Variants in RFTN1 observed in about 807,000 individuals in gnomAD.
The protein encoded by RFTN1 is raftlin.
In RFTN1, 26 loss-of-function variants were observed where a neutral mutation model predicts 46.5. The ratio of observed to expected loss-of-function variants is 0.56; its 90% CI spans 0.41 to 0.78. RFTN1 has a LOEUF of 0.78. Among genes scored for constraint, RFTN1 ranks in the 30% least tolerant of loss-of-function variants. The pLI is 0.00. For missense variants in RFTN1, 693 were observed against 718.7 expected, an observed-to-expected ratio of 0.96 and a Z score of 0.41; for synonymous variants, 261 against 284.2, an observed-to-expected ratio of 0.92 and a Z score of 0.82.
intron 8 of RFTN1, among the ~76,000 whole-genome samples, chr3:16,326,359 G>T (rs2069689215): frequency 6.6e-6 from 1 of 152,196 alleles, no homozygotes; most frequent in South Asian, 2.1e-4. Flanking sequence ...CTGCAAAATG[G>T]GTTTAATAAT....
chr3:16,378,234 A>T lies in RFTN1; in HGVS notation c.442-132T>A, dbSNP rs1047402277. The T allele has an allele frequency of 5.5e-5, 40 of 723,622 alleles. 1 individual carries two copies. The African/African-American group carries it at 6.9e-4, about 12-fold the overall frequency. 44.8% of individuals were successfully genotyped at this position (723,622 alleles called of 1,614,324 possible). A position where few individuals can be genotyped will look rare whatever the true frequency, so the allele number is the denominator to read the frequency against. The stretch of plus-strand genomic sequence containing the variant: ...TGCAGGAGAAGAATTCCAAGCTGAC[A>T]GGAACTCCATGTCCTCAGGGGCACC... On this transcript the variant is annotated intron_variant, in intron 4 of 9. Transcript: ENST00000334133.
intron 2 of RFTN1, chr3:16,482,732 G>C: frequency 6.6e-7 from 1 of 1,515,488 alleles, no homozygotes; most frequent in Non-Finnish European, 8.9e-7. Context: ...TGTTAACAAT[G>C]ATTATATCAA....
At chr3:16,396,636 AAC>A (rs1023216902) in intron 4 of RFTN1, among the ~76,000 whole-genome samples, 5 of 152,206 alleles carry the variant, frequency 3.3e-5, no homozygotes, top group Non-Finnish European at 5.9e-5. Flanking sequence ...AGGATTAGAA[AAC>A]ACACAGTTAC....
chr3:16,368,393 C>T lies in RFTN1; in HGVS notation c.1030+1683G>A, dbSNP rs150087126. On this transcript the variant is annotated intron_variant, in intron 6 of 9. Transcript: ENST00000334133. ...TGTATTAAAGACACGTATATTCGGC[C>T]GGGCACAGTGGCTCACGCCTGTAAT... Among the ~76,000 whole-genome samples, 707 of 152,288 alleles carry T rather than the reference C, an allele frequency of 4.6e-3. 24 individuals carry two copies. Among genetic ancestry groups the T allele is most frequent in the Admixed American group, 0.041 (627 of 15,296 alleles).
chr3:16,439,033 C>T (rs1288832808), intron 2 of RFTN1, among the ~76,000 whole-genome samples: 1 of 152,136 alleles, frequency 6.6e-6, no homozygotes, highest in Non-Finnish European at 1.5e-5. Context: ...TATCTCCTGT[C>T]AAAGCTGAGC....
Position 16,507,379 on chromosome 3 carries a change from A to T in RFTN1, c.-9+6063T>A, listed in dbSNP as rs1484536978. Among the ~76,000 whole-genome samples, 1 of 152,194 alleles carries T rather than the reference A, an allele frequency of 6.6e-6. No homozygotes were observed. Among genetic ancestry groups the T allele is most frequent in the Non-Finnish European group, 1.5e-5 (1 of 68,036 alleles). ...CTAAATTAAAGAAGTGTTTAAATAAACAACCTGATTTCTTGTGCTTTATAT... is the reference window on the plus strand; with the variant it reads ...CTAAATTAAAGAAGTGTTTAAATAATCAACCTGATTTCTTGTGCTTTATAT... On this transcript the variant is annotated intron_variant, in intron 1 of 9. Coordinates refer to ENST00000334133, the MANE Select transcript of RFTN1 (RefSeq NM_015150.2). This position sits in a 1 kb window ranked among gnomAD's most constrained non-coding sequence, Gnocchi z 7.1.
intron 2 of RFTN1, among the ~76,000 whole-genome samples, chr3:16,456,899 T>C (rs1469520454): frequency 1.3e-5 from 2 of 152,230 alleles, no homozygotes; most frequent in Non-Finnish European, 2.9e-5. Context: ...TAGAGTCATG[T>C]CTGGTTGACA....
chr3:16,505,703 C>T (rs4461403), intron 1 of RFTN1, among the ~76,000 whole-genome samples: 83,035 of 152,024 alleles, frequency 0.55, 23,885 homozygotes, highest in African/African-American at 0.73. Flanking sequence ...ATCTGCTTTA[C>T]TCCAAGTCTT....
At chr3:16,358,477 C>T (rs1043503757) in intron 6 of RFTN1, among the ~76,000 whole-genome samples, 2 of 150,760 alleles carry the variant, frequency 1.3e-5, no homozygotes, top group South Asian at 2.1e-4. Flanking sequence ...AGATATAACA[C>T]ACCAGATCTG....
At chr3:16,379,205 C>T (rs1168552558) in intron 4 of RFTN1, among the ~76,000 whole-genome samples, 1 of 152,232 alleles carries the variant, frequency 6.6e-6, no homozygotes. Context: ...GGTATTCTCT[C>T]TAAAGGAGAA....
intron 7 of RFTN1, among the ~76,000 whole-genome samples, chr3:16,357,634 T>C (rs1349414123): frequency 6.6e-6 from 1 of 152,238 alleles, no homozygotes; most frequent in Non-Finnish European, 1.5e-5. Flanking sequence ...GCCTCATTTA[T>C]ATCACTTAGA....
At chr3:16,411,574 G>A (rs1403694665) in intron 3 of RFTN1, among the ~76,000 whole-genome samples, 1 of 152,168 alleles carries the variant, frequency 6.6e-6, no homozygotes, top group Non-Finnish European at 1.5e-5. Flanking sequence ...TAACCTTTTT[G>A]CCTTAATACT....
At position 16,335,067 on chromosome 3, in the gene RFTN1, C is replaced by T. The variant is rs960841294; in HGVS notation, c.1147-8191G>A. On this transcript the variant is annotated intron_variant, in intron 7 of 9. Coordinates refer to ENST00000334133, the MANE Select transcript of RFTN1 (RefSeq NM_015150.2). The surrounding 1 kb of genome is among the most constrained non-coding windows in gnomAD (Gnocchi z 4.7). Reference sequence around the variant, plus strand: ...GTCCTGTCAACACCTTGGTTTTAGCCCCTTAATACTCATTTCAGACTTCTG... The same window carrying T: ...GTCCTGTCAACACCTTGGTTTTAGCTCCTTAATACTCATTTCAGACTTCTG... 3.9e-5 allele frequency among the ~76,000 whole-genome samples: 6 copies of T among 152,300 alleles called. No individual in the cohort carries two copies. Among genetic ancestry groups the T allele is most frequent in the Admixed American group, 2.6e-4 (4 of 15,294 alleles).
chr3:16,437,330 C>T (rs1233714030), intron 2 of RFTN1, among the ~76,000 whole-genome samples: 1 of 152,066 alleles, frequency 6.6e-6, no homozygotes, highest in Admixed American at 6.6e-5. Flanking sequence ...TCTTGAAAGA[C>T]ATTCATGAGT....
rs769708921 is a variant in RFTN1, at chr3:16,374,810, G to A, written c.826+2908C>T. On this transcript the variant is annotated intron_variant, in intron 5 of 9. Coordinates refer to ENST00000334133, the MANE Select transcript of RFTN1 (RefSeq NM_015150.2). The surrounding 1 kb of genome is among the most constrained non-coding windows in gnomAD (Gnocchi z 5.4). ...CTCCAACCAAAAGGAAATTCCCCCA[G>A]ACCAGGAAATAAGTCAGCGAGCAGG... Among the ~76,000 whole-genome samples, 13 of 152,162 alleles carry A rather than the reference G, an allele frequency of 8.5e-5. No homozygotes were observed. Among genetic ancestry groups the A allele is most frequent in the South Asian group, 2.1e-4 (1 of 4,828 alleles).
intron 7 of RFTN1, among the ~76,000 whole-genome samples, chr3:16,354,424 C>T (rs2072297250): frequency 1.3e-5 from 2 of 152,228 alleles, no homozygotes; most frequent in Admixed American, 6.5e-5. Flanking sequence ...AGCCTGACTG[C>T]GTGGAGCAGA....
At chr3:16,441,746 C>T (rs568421090) in intron 2 of RFTN1, among the ~76,000 whole-genome samples, 63 of 152,328 alleles carry the variant, frequency 4.1e-4, no homozygotes, top group Middle Eastern at 3.4e-3. Context: ...CGAAGGAGTG[C>T]AACATGAGAC....
rs149538129 is a variant in RFTN1, at chr3:16,426,171, C to T, written c.332+7680G>A. Among the ~76,000 whole-genome samples, 6 of 152,312 alleles carry T rather than the reference C, an allele frequency of 3.9e-5. No homozygotes were observed. In the East Asian group the frequency reaches 5.8e-4, roughly 15 times the overall value. On this transcript the variant is annotated intron_variant, in intron 3 of 9. Transcript: ENST00000334133. The surrounding 1 kb of genome is among the most constrained non-coding windows in gnomAD (Gnocchi z 5.9). ...AAACCCACCGTTACTTTCTTCCCCACGTGTGATTCCAACAATCAGCGCACT... is the reference window on the plus strand; with the variant it reads ...AAACCCACCGTTACTTTCTTCCCCATGTGTGATTCCAACAATCAGCGCACT...
intron 2 of RFTN1, among the ~76,000 whole-genome samples, chr3:16,444,733 A>G (rs2075696078): frequency 6.6e-6 from 1 of 152,264 alleles, no homozygotes; most frequent in Admixed American, 6.5e-5. Flanking sequence ...CGAGCCCACC[A>G]AATTTGTTAT....
Sources: gnomAD v4.1 joint callset for allele counts (sites outside exome capture counted in the v4.1 genomes callset) on GRCh38, gnomAD v4.1.1 for gene constraint, Gnocchi (gnomAD v3.1) non-coding constraint, MANE v1.5 for transcripts, NCBI Gene and HGNC (gene_info 2026-07-23, HGNC 2026-07-21) for gene names.